The following TRPM7 variants were observed in gnomAD, a reference collection of about 807,000 sequenced individuals.
The protein encoded by TRPM7 is LTRPC ion channel family member 7.
Under a neutral mutation model 229.7 loss-of-function variants are expected in TRPM7, and 134 were observed. The ratio of observed to expected loss-of-function variants is 0.58; its 90% CI spans 0.51 to 0.67. The LOEUF (loss-of-function observed/expected upper bound fraction) is 0.67, where lower values mean the gene tolerates loss of function less well. TRPM7 is among the 30% of genes least tolerant of loss of function. The probability of loss-of-function intolerance (pLI) is 0.00; values close to 1 mark genes in which losing one functional copy is unlikely to be tolerated. For synonymous variants in TRPM7, 699 were observed against 715.2 expected (o/e 0.98, Z 0.36); for missense variants, 1,901 against 2,210.0 (o/e 0.86, Z 2.80).
chr15:50,637,143 A>T (rs1459191278), intron 7 of TRPM7, among the ~76,000 whole-genome samples: 1 of 151,816 alleles, frequency 6.6e-6, no homozygotes, highest in Non-Finnish European at 1.5e-5. Context: ...AAAAAAAAAA[A>T]AGAATATTTA....
chr15:50,586,897 T>A (rs961502989), intron 27 of TRPM7, among the ~76,000 whole-genome samples: 1 of 152,062 alleles, frequency 6.6e-6, no homozygotes, highest in African/African-American at 2.4e-5. Context: ...ATGCCTGTAG[T>A]CCCAGCTACT....
chr15:50,676,473 CTTTGGGAGGCCAAGA>C (rs1171215248), intron 1 of TRPM7, among the ~76,000 whole-genome samples: 1 of 152,028 alleles, frequency 6.6e-6, no homozygotes, highest in African/African-American at 2.4e-5. Context: ...AATCCTAGCA[CTTTGGGAGGCCAAGA>C]TGGGAGGACT....
intron 14 of TRPM7, 94 bp from the exon 15 acceptor site, chr15:50,613,935 T>TTGTG: frequency 7.0e-7 from 1 of 1,435,504 alleles, no homozygotes; most frequent in Non-Finnish European, 9.5e-7. Context: ...GCAAATGTGT[T>TTGTG]TGTGTACACA....
intron 3 of TRPM7, among the ~76,000 whole-genome samples, chr15:50,653,145 C>T (rs1208115584): frequency 6.6e-6 from 1 of 152,044 alleles, no homozygotes; most frequent in Non-Finnish European, 1.5e-5. Flanking sequence ...CCCTGTTTCC[C>T]CACTCCCCCC....
intron 3 of TRPM7, among the ~76,000 whole-genome samples, chr15:50,652,926 C>T (rs578066868): frequency 1.3e-5 from 2 of 152,248 alleles, no homozygotes; most frequent in Admixed American, 6.5e-5. Flanking sequence ...CTTTGAGAGG[C>T]CAAAGTGGAA....
chr15:50,582,248 T>C (rs973767539), intron 29 of TRPM7, among the ~76,000 whole-genome samples: 2 of 152,052 alleles, frequency 1.3e-5, no homozygotes, highest in South Asian at 2.1e-4. Flanking sequence ...CATGAGCCAC[T>C]GCACACAGCC....
At chr15:50,648,294 G>A (rs62017197) in intron 4 of TRPM7, among the ~76,000 whole-genome samples, 53,050 of 151,640 alleles carry the variant, frequency 0.35, 10,453 homozygotes, top group Admixed American at 0.48. Flanking sequence ...AAAAAAAACA[G>A]AACAAAGAAA....
chr15:50,607,081 A>T, intron 20 of TRPM7, 119 bp downstream of exon 20: 1 of 833,834 alleles, frequency 1.2e-6, no homozygotes, highest in Non-Finnish European at 1.8e-6. Context: ...CAGGTTCTAC[A>T]CTTCTACAAT....
In TRPM7 at chr15:50,617,251, C is replaced by T. The variant is rs992352351; in HGVS notation, c.1494+2494G>A. Among the ~76,000 whole-genome samples the T allele has an allele frequency of 5.9e-5, 9 of 151,632 alleles. No individual in the cohort carries two copies. The East Asian group carries it at 9.7e-4, about 16-fold the overall frequency. ...ACTCGGGAGGCTGATAGGAGAATTG[C>T]TTGAACCTGAGAGGCAGTGGGTGCA... On this transcript the variant is annotated intron_variant, in intron 13 of 38. Transcript: ENST00000646667.
chr15:50,607,539 G>A (rs768274759), intron 19 of TRPM7, among the ~76,000 whole-genome samples: 2 of 151,998 alleles, frequency 1.3e-5, no homozygotes, highest in South Asian at 2.1e-4. Flanking sequence ...GAGTATAAAC[G>A]TGTTGTTCTA....
chr15:50,677,383 G>C (rs182536208), intron 1 of TRPM7, among the ~76,000 whole-genome samples: 1 of 151,946 alleles, frequency 6.6e-6, no homozygotes, highest in East Asian at 1.9e-4. Context: ...CGGGGAGCGA[G>C]GGAGATCACA....
At chr15:50,615,671 G>A (rs990538271) in intron 13 of TRPM7, among the ~76,000 whole-genome samples, 2 of 151,752 alleles carry the variant, frequency 1.3e-5, no homozygotes, top group Non-Finnish European at 2.9e-5. Context: ...TGGGCACGGT[G>A]GCTCACCTGA....
At chr15:50,588,636 T>C (rs2059403951) in intron 27 of TRPM7, among the ~76,000 whole-genome samples, 1 of 152,176 alleles carries the variant, frequency 6.6e-6, no homozygotes, top group South Asian at 2.1e-4. Flanking sequence ...TCACTGTGTA[T>C]GTCACTTAAC....
intron 2 of TRPM7, 110 bp downstream of exon 2, chr15:50,662,851 AAGTAAC>A (rs2061766403): frequency 3.9e-6 from 3 of 769,358 alleles, no homozygotes; most frequent in South Asian, 3.3e-5. Flanking sequence ...TAATTATAAA[AAGTAAC>A]AGTAAGTACA....
At chr15:50,658,444 C>T (rs1396406947) in intron 2 of TRPM7, among the ~76,000 whole-genome samples, 1 of 151,900 alleles carries the variant, frequency 6.6e-6, no homozygotes, top group Non-Finnish European at 1.5e-5. Context: ...GTGGTGCAGG[C>T]CTATAGTCCT....
At chr15:50,673,870 T>C (rs1484335061) in intron 1 of TRPM7, among the ~76,000 whole-genome samples, 4 of 152,216 alleles carry the variant, frequency 2.6e-5, no homozygotes, top group Admixed American at 1.3e-4. Flanking sequence ...CTAGTTTACA[T>C]TCCTACCAGC....
chr15:50,667,311 T>C (rs1290944262), intron 1 of TRPM7, among the ~76,000 whole-genome samples: 10 of 152,154 alleles, frequency 6.6e-5, no homozygotes, highest in Non-Finnish European at 1.2e-4. Flanking sequence ...AATTAAGAAA[T>C]TGGCAAATGA....
chr15:50,638,674 T>TTGTATGTATGTATGTATGTATGTATGTA (rs11283855), intron 6 of TRPM7, among the ~76,000 whole-genome samples: 118 of 150,620 alleles, frequency 7.8e-4, no homozygotes, highest in Middle Eastern at 6.8e-3. Context: ...AATTCAGTAA[T>TTGTATGTATGTATGTATGTATGTATGTA]TGTATGTATG....
chr15:50,567,223 A>T (rs924710020), intron 38 of TRPM7, among the ~76,000 whole-genome samples: 2 of 152,018 alleles, frequency 1.3e-5, no homozygotes, highest in African/African-American at 4.8e-5. Flanking sequence ...CATGTGCACA[A>T]TGTGCAGGTT....
Sources: allele counts gnomAD v4.1 joint callset (sites outside exome capture counted in the v4.1 genomes callset), GRCh38; gene constraint gnomAD v4.1.1; transcripts MANE v1.5; gene names NCBI Gene and HGNC (gene_info 2026-07-23, HGNC 2026-07-21).